CTNNA3: variants seen among roughly 807,000 people sequenced by gnomAD.
CTNNA3 encodes catenin alpha-3.
CTNNA3 carries 76 observed loss-of-function variants against 95.7 expected under a neutral mutation model. That is an observed-to-expected ratio of 0.79 (90% CI 0.66 to 0.96). CTNNA3 has a LOEUF of 0.96. Ranked by LOEUF, CTNNA3 falls within the 40% of genes least tolerant of loss-of-function variation. The pLI is 0.00. For synonymous variants in CTNNA3, 431 were observed against 374.4 expected, an observed-to-expected ratio of 1.15 and a Z score of -1.74; for missense variants, 1,191 against 1,089.8, an observed-to-expected ratio of 1.09 and a Z score of -1.31.
At chr10:67,101,024 T>C (rs74141801) in intron 7 of CTNNA3, among the ~76,000 whole-genome samples, 39 of 151,880 alleles carry the variant, frequency 2.6e-4, no homozygotes, top group African/African-American at 9.2e-4. Context: ...TCTCCATCTG[T>C]AAAATATTAG....
At chr10:67,730,630 AT>A (rs1446779123) in intron 1 of CTNNA3, among the ~76,000 whole-genome samples, 1 of 152,224 alleles carries the variant, frequency 6.6e-6, no homozygotes, top group African/African-American at 2.4e-5. Flanking sequence ...GAGCAGAAGG[AT>A]AGAGGCTCTA....
At chr10:66,591,758 T>C (rs1843558512) in intron 10 of CTNNA3, among the ~76,000 whole-genome samples, 1 of 152,136 alleles carries the variant, frequency 6.6e-6, no homozygotes, top group African/African-American at 2.4e-5. Flanking sequence ...TTTTGCTCTA[T>C]ACTTTGTTAA....
At chr10:66,416,403 A>C (rs2093146282) in intron 11 of CTNNA3, among the ~76,000 whole-genome samples, 1 of 152,082 alleles carries the variant, frequency 6.6e-6, no homozygotes, top group South Asian at 2.1e-4. Flanking sequence ...TTAATAGAGG[A>C]AAATTTCCCA....
intron 7 of CTNNA3, among the ~76,000 whole-genome samples, chr10:66,866,529 A>T (rs1257910533): frequency 6.6e-6 from 1 of 152,218 alleles, no homozygotes; most frequent in Non-Finnish European, 1.5e-5. Context: ...ACCTAATGAC[A>T]ACTGGTTGAA....
At chr10:67,754,967 A>C (rs1841425281) in intron 1 of CTNNA3, among the ~76,000 whole-genome samples, 1 of 152,052 alleles carries the variant, frequency 6.6e-6, no homozygotes, top group African/African-American at 2.4e-5. Context: ...GGAGGCTGAC[A>C]TGGGAGGATC....
rs1855051396 is a variant in CTNNA3, at chr10:67,050,949, G to T, written c.1047+129368C>A. Among the ~76,000 whole-genome samples, 7 of 152,248 alleles carry T rather than the reference G, an allele frequency of 4.6e-5. No individual in the cohort carries two copies. In the South Asian group the frequency reaches 1.2e-3, roughly 27 times the overall value. ...AATCACATTATTTGCAGAGGTTGGG[G>T]AGTCCCACAAATCAGCCCCCACAAC... On this transcript the variant is annotated intron_variant, in intron 7 of 17. Coordinates refer to ENST00000433211, the MANE Select transcript of CTNNA3 (RefSeq NM_013266.4).
At chr10:67,609,958 G>T (rs1037072850) in intron 2 of CTNNA3, among the ~76,000 whole-genome samples, 1 of 152,084 alleles carries the variant, frequency 6.6e-6, no homozygotes. Context: ...TATTACATGG[G>T]TTTTCACAAA....
intron 13 of CTNNA3, among the ~76,000 whole-genome samples, chr10:66,115,793 T>C (rs36117595): frequency 0.062 from 9,404 of 152,090 alleles, 373 homozygotes; most frequent in Non-Finnish European, 0.096. Context: ...GCCACGGATG[T>C]TAAGTAAGGA....
At chr10:65,996,378 A>G (rs2078660365) in intron 15 of CTNNA3, among the ~76,000 whole-genome samples, 1 of 152,064 alleles carries the variant, frequency 6.6e-6, no homozygotes, top group South Asian at 2.1e-4. Flanking sequence ...TGTGTGTTCT[A>G]TAGTGCTGAG....
intron 3 of CTNNA3, among the ~76,000 whole-genome samples, chr10:67,575,727 T>A (rs944643778): frequency 1.3e-5 from 2 of 152,206 alleles, no homozygotes; most frequent in Non-Finnish European, 2.9e-5. Flanking sequence ...TATTCTAAAC[T>A]GTAGCTTTCT....
chr10:66,299,341 A>G (rs2091828216), intron 12 of CTNNA3, among the ~76,000 whole-genome samples: 1 of 152,196 alleles, frequency 6.6e-6, no homozygotes, highest in Non-Finnish European at 1.5e-5. Flanking sequence ...AAACCTAAAA[A>G]TGCTGGATTA....
chr10:67,559,775 T>C (rs559079314), intron 3 of CTNNA3, among the ~76,000 whole-genome samples: 1 of 151,928 alleles, frequency 6.6e-6, no homozygotes, highest in African/African-American at 2.4e-5. Context: ...GAATAACCAA[T>C]ACAGAGAAGT....
chr10:67,609,503 C>G (rs1843390375), intron 2 of CTNNA3, among the ~76,000 whole-genome samples: 1 of 152,030 alleles, frequency 6.6e-6, no homozygotes, highest in South Asian at 2.1e-4. Context: ...AAATCATTTT[C>G]ATCTGCCCTC....
At position 65,913,271 on chromosome 10, in the gene CTNNA3, G is replaced by A. The variant is rs1310161116; in HGVS notation, c.*7059C>T. 3 of 151,976 alleles carry A rather than the reference G, an allele frequency of 2.0e-5. No individual in the cohort carries two copies. Among genetic ancestry groups the A allele is most frequent in the East Asian group, 3.9e-4 (2 of 5,184 alleles). The allele number at this position is 151,976 out of a possible 1,614,324, so 9.4% of individuals were successfully genotyped here. A position where few individuals can be genotyped will look rare whatever the true frequency, so the allele number is the denominator to read the frequency against. On this transcript the variant is annotated 3_prime_UTR_variant, in exon 18 of 18. Coordinates refer to ENST00000433211, the MANE Select transcript of CTNNA3 (RefSeq NM_013266.4). ...AACCATAATCAAAATGGAAAACAGG[G>A]GCATCTGGAAATCTTTCTCTAGAAG...
At chr10:67,284,485 T>C (rs1252793999) in intron 5 of CTNNA3, among the ~76,000 whole-genome samples, 3 of 152,190 alleles carry the variant, frequency 2.0e-5, no homozygotes, top group South Asian at 2.1e-4. Flanking sequence ...GTAGTTCACA[T>C]ACTTAAATAT....
chr10:67,409,109 A>G (rs1845266978), intron 5 of CTNNA3, among the ~76,000 whole-genome samples: 1 of 152,178 alleles, frequency 6.6e-6, no homozygotes, highest in African/African-American at 2.4e-5. Flanking sequence ...GGTTGCAGAG[A>G]AATAGGAACA....
intron 2 of CTNNA3, among the ~76,000 whole-genome samples, chr10:67,620,878 C>CATATATATATACACAT (rs1195226798): frequency 1.4e-4 from 19 of 139,940 alleles, no homozygotes; most frequent in African/African-American, 3.7e-4. Flanking sequence ...CACTACTGTA[C>CATATATATATACACAT]ATATATATGT....
chr10:67,633,368 G>A (rs1021344671), intron 2 of CTNNA3, among the ~76,000 whole-genome samples: 1 of 152,252 alleles, frequency 6.6e-6, no homozygotes, highest in Non-Finnish European at 1.5e-5. Flanking sequence ...CCGCCCCAAC[G>A]CAGCATATCT....
intron 10 of CTNNA3, among the ~76,000 whole-genome samples, chr10:66,607,472 C>CAAAAAAAAAAAAAAAAAAAAA (rs574854850): frequency 2.2e-4 from 10 of 45,286 alleles, no homozygotes; most frequent in East Asian, 6.4e-4. Flanking sequence ...CAGAGACAAC[C>CAAAAAAAAAAAAAAAAAAAAA]AAAAAAAAAA....
Sources: gnomAD v4.1 joint callset for allele counts (sites outside exome capture counted in the v4.1 genomes callset) on GRCh38, gnomAD v4.1.1 for gene constraint, MANE v1.5 for transcripts, NCBI Gene and HGNC (gene_info 2026-07-23, HGNC 2026-07-21) for gene names.